Variants in NUP98 observed in about 807,000 individuals in gnomAD.
NUP98 encodes nuclear pore complex protein Nup98-Nup96.
NUP98 carries 26 observed loss-of-function variants against 191.9 expected under a neutral mutation model. The observed-to-expected ratio is 0.14, with a 90% confidence interval of 0.10 to 0.19. The LOEUF is 0.19. NUP98 is among the 10% of genes least tolerant of loss of function. The pLI is 1.00. For synonymous variants in NUP98, 808 were observed against 778.4 expected, an observed-to-expected ratio of 1.04 and a Z score of -0.63; for missense variants, 1,941 against 2,178.8, an observed-to-expected ratio of 0.89 and a Z score of 2.17.
chr11:3,772,058 TAAGGAATG>T (rs1439811172), intron 6 of NUP98, 130 bp from the exon 7 acceptor site: 5 of 706,948 alleles, frequency 7.1e-6, no homozygotes, highest in Non-Finnish European at 1.2e-5. Context: ...AAGAGAAAAC[TAAGGAATG>T]ACATTATATC....
rs539098348 is a variant in NUP98, at chr11:3,730,663, C to T, written c.1730+728G>A. Among the ~76,000 whole-genome samples, 23 of 152,112 alleles carry T rather than the reference C, an allele frequency of 1.5e-4. 1 individual carries two copies. The highest frequency in any genetic ancestry group is 1.3e-3 in the Admixed American group (20 of 15,284). ...ACAGGTGTGAGCCACCATGCCCGGC[C>T]GGATTACTGTATTTTTAGGGAAAGA... On this transcript the variant is annotated intron_variant, in intron 14 of 32. Coordinates refer to ENST00000324932, the MANE Select transcript of NUP98 (RefSeq NM_016320.5).
At position 3,719,575 on chromosome 11, in the gene NUP98, AAATTCATTCTGTATG is replaced by A. The variant is rs763869313; in HGVS notation, c.2261-40_2261-26del. 3 of 1,507,970 alleles carry A rather than the reference AAATTCATTCTGTATG, an allele frequency of 2.0e-6. No individual in the cohort carries two copies. The South Asian group carries it at 3.9e-5, about 20-fold the overall frequency. 93.4% of individuals were successfully genotyped at this position (1,507,970 alleles called of 1,614,324 possible). Reference sequence around the variant, plus strand: ...CCTATAAATCAGAGCAAATAGTTAAAAATTCATTCTGTATGAAGGCAAATACCTACTTTACAACTA... The same window carrying A: ...CCTATAAATCAGAGCAAATAGTTAAAAAGGCAAATACCTACTTTACAACTA... On this transcript the variant is annotated intron_variant, in intron 17 of 32. Coordinates refer to ENST00000324932, the MANE Select transcript of NUP98 (RefSeq NM_016320.5).
intron 1 of NUP98, among the ~76,000 whole-genome samples, chr11:3,783,969 A>C (rs1200792999): frequency 6.6e-6 from 1 of 152,202 alleles, no homozygotes; most frequent in Non-Finnish European, 1.5e-5. Flanking sequence ...CCTTAAATTT[A>C]GATGCCTGCT....
chr11:3,775,841 C>A (rs200332167), intron 5 of NUP98, 41 bp downstream of exon 5: 1 of 1,587,276 alleles, frequency 6.3e-7, no homozygotes, highest in Non-Finnish European at 8.6e-7. Flanking sequence ...AATATACATG[C>A]GGGAAAAAAC....
intron 20 of NUP98, among the ~76,000 whole-genome samples, chr11:3,707,212 T>C (rs1456574302): frequency 6.6e-6 from 1 of 152,140 alleles, no homozygotes; most frequent in African/African-American, 2.4e-5. Context: ...AAAAACAAAG[T>C]AATAATATTA....
rs1388681065 is a variant in NUP98 at position 3,688,820 on chromosome 11, C to CATATACATATATAT, written c.4454+2526_4454+2527insATATATATGTATAT. Among the ~76,000 whole-genome samples the CATATACATATATAT allele has an allele frequency of 3.1e-3, 425 of 136,248 alleles. 1 individual carries two copies. Among genetic ancestry groups the CATATACATATATAT allele is most frequent in the African/African-American group, 0.011 (407 of 35,644 alleles). The allele number at this position is 136,248 out of a possible 152,430, so 89.4% of individuals were successfully genotyped here. A position where few individuals can be genotyped will look rare whatever the true frequency, so the allele number is the denominator to read the frequency against. On this transcript the variant is annotated intron_variant, in intron 28 of 32. Coordinates refer to ENST00000324932, the MANE Select transcript of NUP98 (RefSeq NM_016320.5). ...AAATATATATATGTATTTAAATATA[C>CATATACATATATAT]ATATATATATATATATATATATTTA... is the stretch of plus-strand genomic sequence containing the variant.
In NUP98 at chr11:3,793,078, TC is replaced by T. The variant is rs571972816; in HGVS notation, c.-29+4321del. On this transcript the variant is annotated intron_variant, in intron 1 of 32. Transcript: ENST00000324932. Reference sequence around the variant, plus strand: ...GTACGCTGAGATAGCGCCACTGCACTCCGACTTGGGCGACAGAGCACGACTC... The same window carrying T: ...GTACGCTGAGATAGCGCCACTGCACTCGACTTGGGCGACAGAGCACGACTC... 1.9e-3 allele frequency among the ~76,000 whole-genome samples: 284 copies of T among 152,146 alleles called. 4 individuals carry two copies. Among genetic ancestry groups the T allele is most frequent in the African/African-American group, 6.3e-3 (261 of 41,518 alleles).
chr11:3,693,414 CTTG>C (rs776900733), intron 26 of NUP98, 39 bp from the exon 27 acceptor site: 276 of 1,607,088 alleles, frequency 1.7e-4, no homozygotes, highest in South Asian at 3.9e-4. Flanking sequence ...TATATTCTAC[CTTG>C]TTATTACCTG....
intron 28 of NUP98, among the ~76,000 whole-genome samples, chr11:3,687,029 A>C (rs751459410): frequency 1.3e-5 from 2 of 152,160 alleles, no homozygotes; most frequent in Admixed American, 6.5e-5. Context: ...TCCTGGGCTC[A>C]TGCGATCCTC....
At chr11:3,756,767 C>T (rs2080972002) in intron 10 of NUP98, among the ~76,000 whole-genome samples, 1 of 151,976 alleles carries the variant, frequency 6.6e-6, no homozygotes, top group South Asian at 2.1e-4. Context: ...TAATATACAT[C>T]ACATATAACA....
chr11:3,713,938 T>C lies in NUP98; in HGVS notation c.2457A>G (p.Leu819=). Residue 819 remains leucine (L), a synonymous_variant, in exon 19 of 33, where the codon TTA becomes TTG. Transcript: ENST00000324932. ...CAGCAAGGCGATCTGGGCTCTTTATTAAACAACGAGATGTTTTATCTGTTG... is the reference window on the plus strand; with the variant it reads ...CAGCAAGGCGATCTGGGCTCTTTATCAAACAACGAGATGTTTTATCTGTTG... ...VWPTDKTSRC[L]IKSPDRLADI... 3 of 1,614,146 alleles carry C rather than the reference T, an allele frequency of 1.9e-6. No homozygotes were observed. Among genetic ancestry groups the C allele is most frequent in the Non-Finnish European group, 2.5e-6 (3 of 1,180,020 alleles).
chr11:3,758,771 GAGAGAGACAGAGAGAGAC>G (rs2081063358), intron 10 of NUP98, among the ~76,000 whole-genome samples: 1 of 151,720 alleles, frequency 6.6e-6, no homozygotes, highest in African/African-American at 2.4e-5. Context: ...GGAGGGAGGG[GAGAGAGACAGAGAGAGAC>G]AGAGAGACAG....
rs3061901 is a variant in NUP98 at position 3,752,518 on chromosome 11, A to AAAATAAAT, written c.1267+790_1267+797dup. ...AACGACAGAGTGAGACTCCATCTCC[A>AAAATAAAT]AAATAAATAAATAAATAAATAAATA... On this transcript the variant is annotated intron_variant, in intron 11 of 32. Transcript: ENST00000324932. Among the ~76,000 whole-genome samples, 705 of 147,552 alleles carry AAAATAAAT rather than the reference A, an allele frequency of 4.8e-3. 5 individuals carry two copies. Among genetic ancestry groups the AAAATAAAT allele is most frequent in the South Asian group, 0.04 (187 of 4,662 alleles).
At chr11:3,679,122 CAAA>C (rs36063275) in intron 31 of NUP98, among the ~76,000 whole-genome samples, 27,287 of 97,246 alleles carry the variant, frequency 0.28, 2,630 homozygotes, top group Middle Eastern at 0.35. Context: ...GACTCTGTTC[CAAA>C]AAAAAAAAAA....
intron 8 of NUP98, among the ~76,000 whole-genome samples, chr11:3,767,085 C>T (rs2081363785): frequency 6.6e-6 from 1 of 152,158 alleles, no homozygotes; most frequent in African/African-American, 2.4e-5. Context: ...CTGCCTCAGC[C>T]TCCTGCGTAG....
In NUP98 at chr11:3,706,616, T is replaced by C; in HGVS notation, c.2754A>G (p.Pro918=). ...KPAPPPQSQS[P]EVEQLGRVVE... ...CAACCCTCCCTAACTGCTCCACCTC[T>C]GGGCTCTGGCTCTGTAGACAGCAGA... The change falls in exon 21 of 33, where the codon CCA becomes CCG. Residue 918 remains proline, a synonymous_variant. Transcript: ENST00000324932. The C allele has an allele frequency of 1.2e-6, 2 of 1,613,816 alleles. No homozygotes were observed. Among genetic ancestry groups the C allele is most frequent in the Non-Finnish European group, 1.7e-6 (2 of 1,179,964 alleles).
At chr11:3,751,757 G>T (rs1024017382) in intron 11 of NUP98, among the ~76,000 whole-genome samples, 33 of 152,198 alleles carry the variant, frequency 2.2e-4, no homozygotes, top group African/African-American at 7.7e-4. Context: ...TACTAGGGAG[G>T]CTGAGGTGGG....
Position 3,744,630 on chromosome 11 carries a change from T to A in NUP98, c.1287A>T (p.Ala429=). The A allele has an allele frequency of 6.2e-7, 1 of 1,613,176 alleles. No individual in the cohort carries two copies. Among genetic ancestry groups the A allele is most frequent in the Non-Finnish European group, 8.5e-7 (1 of 1,179,400 alleles). The change falls in exon 12 of 33, where the codon GCA becomes GCT. Residue 429 remains alanine, a synonymous_variant. Coordinates refer to ENST00000324932, the MANE Select transcript of NUP98 (RefSeq NM_016320.5). ...TAGGTTGGTTGTTCCCAAACAAAGA[T>A]GCCTGTCCAGCACCAAGAGCTACGG... ...GFGTALGAGQ[A]SLFGNNQPKI...
Position 3,702,604 on chromosome 11 carries a change from C to G in NUP98, c.3371G>C (p.Arg1124Pro). ...GGGGCCCCAACCAACACGAAATGAGCGTCCCATGAATAGGGCCATGTCCAT... is the reference window on the plus strand; with the variant it reads ...GGGGCCCCAACCAACACGAAATGAGGGTCCCATGAATAGGGCCATGTCCAT... The part of the protein sequence containing the change: ...LLMDMALFMG[R>P]SFRVGWGPNW... Residue 1124 changes from arginine to proline, a missense_variant, in exon 23 of 33, where the codon CGC (arginine) becomes CCC (proline). Around this residue, in one of 6 missense-constraint regions of NUP98, gnomAD observed 1,030 missense variants for 1,115.8 expected, o/e 0.92. Transcript: ENST00000324932. 6.2e-7 allele frequency: 1 copy of G among 1,614,108 alleles called. No homozygotes were observed. The highest frequency in any genetic ancestry group is 8.5e-7 in the Non-Finnish European group (1 of 1,180,024).
Sources: allele counts gnomAD v4.1 joint callset (sites outside exome capture counted in the v4.1 genomes callset), GRCh38; gene constraint gnomAD v4.1.1; regional missense constraint gnomAD v4.1.1; transcripts MANE v1.5; gene names NCBI Gene and HGNC (gene_info 2026-07-23, HGNC 2026-07-21).